CEMIP2: variants seen among roughly 807,000 people sequenced by gnomAD.
CEMIP2 encodes cell surface hyaluronidase CEMIP2.
CEMIP2 carries 79 observed loss-of-function variants against 146.9 expected under a neutral mutation model. The ratio of observed to expected loss-of-function variants is 0.54; its 90% CI spans 0.45 to 0.65. The LOEUF (loss-of-function observed/expected upper bound fraction) is 0.65, where lower values mean the gene tolerates loss of function less well. CEMIP2 is among the 30% of genes least tolerant of loss of function. The pLI is 0.00. For synonymous variants in CEMIP2, 601 were observed against 606.3 expected (o/e 0.99, Z 0.13); for missense variants, 1,596 against 1,696.2 (o/e 0.94, Z 1.04).
intron 1 of CEMIP2, among the ~76,000 whole-genome samples, chr9:71,750,608 ATTTT>A (rs560628836): frequency 0.069 from 9,677 of 141,142 alleles, 315 homozygotes; most frequent in Middle Eastern, 0.11. Flanking sequence ...CGCCCAGCTA[ATTTT>A]TTTTTTTTTT....
At chr9:71,765,113 T>C (rs545564202) in intron 1 of CEMIP2, among the ~76,000 whole-genome samples, 13 of 152,244 alleles carry the variant, frequency 8.5e-5, no homozygotes, top group Admixed American at 8.5e-4. Context: ...TGAAAAGATT[T>C]CCTGTGGCTG....
At chr9:71,696,056 A>T (rs1378957530) in intron 20 of CEMIP2, among the ~76,000 whole-genome samples, 2 of 152,220 alleles carry the variant, frequency 1.3e-5, no homozygotes, top group African/African-American at 2.4e-5. Flanking sequence ...AATACATTTT[A>T]AAAAAATGAA....
intron 4 of CEMIP2, among the ~76,000 whole-genome samples, chr9:71,742,097 T>C (rs375788046): frequency 5.9e-5 from 9 of 152,238 alleles, no homozygotes; most frequent in Admixed American, 4.6e-4. Flanking sequence ...CTTCCCACTC[T>C]AGAAAAAAAA....
chr9:71,728,122 T>C (rs1345365163), intron 10 of CEMIP2, among the ~76,000 whole-genome samples: 1 of 145,992 alleles, frequency 6.8e-6, no homozygotes, highest in Non-Finnish European at 1.5e-5. Context: ...TCCTAAAACT[T>C]TGGGAGGCTA....
At chr9:71,721,955 G>C (rs2131938350) in intron 12 of CEMIP2, among the ~76,000 whole-genome samples, 1 of 152,276 alleles carries the variant, frequency 6.6e-6, no homozygotes, top group Non-Finnish European at 1.5e-5. Context: ...AGGCTACAAA[G>C]GGCTGAACCA....
intron 10 of CEMIP2, among the ~76,000 whole-genome samples, chr9:71,726,291 T>C (rs910457684): frequency 6.6e-6 from 1 of 152,162 alleles, no homozygotes; most frequent in African/African-American, 2.4e-5. Flanking sequence ...CTGACCTTAA[T>C]AGGAACATAA....
In CEMIP2 at chr9:71,737,556, TA is replaced by T. The variant is rs531912950; in HGVS notation, c.1204+2506del. 6.6e-5 allele frequency among the ~76,000 whole-genome samples: 10 copies of T among 152,148 alleles called. No homozygotes were observed. The East Asian group carries it at 1.9e-3, about 29-fold the overall frequency. ...CAATAATATGTATTCTTACAGTCTT[TA>T]AAAAAAATTATAGACATGGTCCCAC... On this transcript the variant is annotated intron_variant, in intron 5 of 23. Transcript: ENST00000377044.
rs1237651834 is a variant in CEMIP2, at chr9:71,750,328, G to A, written c.46C>T (p.Pro16Ser). ...SRGHSPAFLQ[P>S]QNGNSRHPSG... The stretch of plus-strand genomic sequence containing the variant: ...GGGTGACGACTATTTCCATTCTGAG[G>A]TTGGAGGAAAGCAGGGGAGTGTCCC... The change falls in exon 2 of 24, where the codon CCT (proline) becomes TCT (serine). Residue 16 changes from proline (P) to serine (S), a missense_variant. Pro to Ser is a moderately conservative substitution (Grantham distance 74, BLOSUM62 -1). Coordinates refer to ENST00000377044, the MANE Select transcript of CEMIP2 (RefSeq NM_013390.3). The A allele has an allele frequency of 3.1e-6, 5 of 1,613,706 alleles. No homozygotes were observed. The highest frequency in any genetic ancestry group is 1.3e-5 in the African/African-American group (1 of 74,882).
chr9:71,740,153 T>A lies in CEMIP2; in HGVS notation c.1114A>T (p.Ser372Cys). 1 of 1,614,140 alleles carries A rather than the reference T, an allele frequency of 6.2e-7. No homozygotes were observed. The highest frequency in any genetic ancestry group is 8.5e-7 in the Non-Finnish European group (1 of 1,180,022). The change falls in exon 5 of 24, where the codon AGC (serine) becomes TGC (cysteine). Residue 372 changes from serine (S) to cysteine (C), a missense_variant. Ser to Cys is a moderately radical substitution (Grantham distance 112). Transcript: ENST00000377044. ...TGGGCAAGAGCCTTCCCGCCACTGC[T>A]ATGATTTTCATAGTTTCTCACGGAT... ...NESVRNYENH[S>C]SGGKALAQRE...
chr9:71,740,865 C>T (rs1250587123), intron 4 of CEMIP2, among the ~76,000 whole-genome samples: 1 of 152,136 alleles, frequency 6.6e-6, no homozygotes, highest in Non-Finnish European at 1.5e-5. Context: ...CTTCAGTACG[C>T]ATCAGGATCA....
intron 1 of CEMIP2, among the ~76,000 whole-genome samples, chr9:71,753,790 A>G (rs1469630374): frequency 6.6e-6 from 1 of 152,190 alleles, no homozygotes; most frequent in Admixed American, 6.5e-5. Context: ...TTAAAAATAT[A>G]TTTTATTGAT....
At chr9:71,725,536 A>T in intron 11 of CEMIP2, 45 bp downstream of exon 11, 1 of 1,587,898 alleles carries the variant, frequency 6.3e-7, no homozygotes, top group Non-Finnish European at 8.6e-7. Flanking sequence ...TTCATCCTTT[A>T]CACTGTCTAG....
chr9:71,768,582 TCCG>T, upstream of CEMIP2: 1 of 152,432 alleles, frequency 6.6e-6, no homozygotes. Flanking sequence ...TCCCTCCGCC[TCCG>T]CCTCCTCCTC....
At chr9:71,699,160 C>A in intron 19 of CEMIP2, 1 of 165,006 alleles carries the variant, frequency 6.1e-6, no homozygotes, top group Non-Finnish European at 1.3e-5. Context: ...TCTTTTTACA[C>A]TTTTAATCAT....
chr9:71,707,522 T>C (rs1388064054), intron 17 of CEMIP2, among the ~76,000 whole-genome samples: 2 of 152,194 alleles, frequency 1.3e-5, no homozygotes, highest in Non-Finnish European at 2.9e-5. Context: ...CCTGCTTTAA[T>C]TGTCGTAATT....
intron 21 of CEMIP2, among the ~76,000 whole-genome samples, chr9:71,693,350 G>C (rs1295600194): frequency 6.6e-6 from 1 of 152,192 alleles, no homozygotes; most frequent in Non-Finnish European, 1.5e-5. Context: ...GCTGAGACCT[G>C]GTTCTCAGTG....
chr9:71,755,377 AC>A (rs1824401382), intron 1 of CEMIP2, among the ~76,000 whole-genome samples: 3 of 147,272 alleles, frequency 2.0e-5, no homozygotes, highest in South Asian at 2.1e-4. Context: ...ACACACACAC[AC>A]ACAAAATTAA....
intron 17 of CEMIP2, among the ~76,000 whole-genome samples, chr9:71,706,179 A>G (rs1822731347): frequency 6.6e-6 from 1 of 151,844 alleles, no homozygotes; most frequent in South Asian, 2.1e-4. Context: ...CAGTGAGCCA[A>G]GATAGCACTA....
chr9:71,722,668 AC>A (rs1451190616), intron 11 of CEMIP2, among the ~76,000 whole-genome samples, 153 bp from the exon 12 acceptor site: 13 of 148,308 alleles, frequency 8.8e-5, no homozygotes, highest in Non-Finnish European at 1.4e-4. Context: ...AAAAAAAAAA[AC>A]AGCTACTTTC....
Sources: gnomAD v4.1 joint callset for allele counts (sites outside exome capture counted in the v4.1 genomes callset) on GRCh38, gnomAD v4.1.1 for gene constraint, MANE v1.5 for transcripts, NCBI Gene and HGNC (gene_info 2026-07-23, HGNC 2026-07-21) for gene names.